Variants in LRRFIP2 observed in about 807,000 individuals in gnomAD.
LRRFIP2 encodes LRR binding FLII interacting protein 2, also known as leucine-rich repeat flightless-interacting protein 2.
LRRFIP2 carries 109 observed loss-of-function variants against 125.9 expected under a neutral mutation model. The observed-to-expected ratio is 0.87, with a 90% CI of 0.74 to 1.01. The LOEUF (loss-of-function observed/expected upper bound fraction) is 1.01, where lower values mean the gene tolerates loss of function less well. LRRFIP2 is among the 50% of genes least tolerant of loss of function. The pLI is 0.00. For missense variants in LRRFIP2, 850 were observed against 862.3 expected (o/e 0.99, Z 0.18); for synonymous variants, 291 against 293.1 (o/e 0.99, Z 0.07).
At chr3:37,081,215 C>G (rs2092612471) in intron 19 of LRRFIP2, among the ~76,000 whole-genome samples, 1 of 152,094 alleles carries the variant, frequency 6.6e-6, no homozygotes. Context: ...GCACTCCAGC[C>G]TGGGGAGCAG....
At chr3:37,063,903 T>C (rs1290781569) in intron 23 of LRRFIP2, 112 bp from the exon 24 acceptor site, 2 of 758,548 alleles carry the variant, frequency 2.6e-6, no homozygotes, top group East Asian at 5.0e-5. Flanking sequence ...ATTACATTAC[T>C]TACAGCTCTG....
intron 24 of LRRFIP2, among the ~76,000 whole-genome samples, chr3:37,059,506 GGGCTGGGCACGGT>G (rs1441146493): frequency 6.6e-6 from 1 of 151,896 alleles, no homozygotes; most frequent in Non-Finnish European, 1.5e-5. Flanking sequence ...AAAATAATTG[GGGCTGGGCACGGT>G]GGCTCACGCC....
chr3:37,140,839 T>C (rs1205995701), intron 2 of LRRFIP2, among the ~76,000 whole-genome samples: 1 of 152,186 alleles, frequency 6.6e-6, no homozygotes, highest in East Asian at 1.9e-4. Flanking sequence ...TCCCTCCATA[T>C]TCAGTTGCTA....
chr3:37,098,194 C>G (rs925752426), intron 15 of LRRFIP2, among the ~76,000 whole-genome samples: 1 of 151,796 alleles, frequency 6.6e-6, no homozygotes, highest in African/African-American at 2.4e-5. Flanking sequence ...TGTAAAAACT[C>G]TGAAAAAGAA....
intron 2 of LRRFIP2, chr3:37,134,834 C>A: frequency 1.0e-6 from 1 of 974,526 alleles, no homozygotes; most frequent in Non-Finnish European, 1.7e-6. Context: ...TTCCTACAGA[C>A]TGCTCCTTCA....
intron 4 of LRRFIP2, among the ~76,000 whole-genome samples, chr3:37,122,247 T>G (rs1037042383): frequency 6.6e-6 from 1 of 151,794 alleles, no homozygotes; most frequent in Non-Finnish European, 1.5e-5. Flanking sequence ...GGACATGAAC[T>G]CATCCTTTTT....
chr3:37,065,742 G>T, intron 23 of LRRFIP2, 68 bp downstream of exon 23: 1 of 1,602,282 alleles, frequency 6.2e-7, no homozygotes, highest in Non-Finnish European at 8.5e-7. Flanking sequence ...TCCAAGCTGG[G>T]ATATGAAAAA....
chr3:37,133,921 A>C (rs1383853730), intron 2 of LRRFIP2, among the ~76,000 whole-genome samples: 1 of 152,204 alleles, frequency 6.6e-6, no homozygotes, highest in Non-Finnish European at 1.5e-5. Flanking sequence ...ATATGACCCC[A>C]ACTGTTATAA....
intron 2 of LRRFIP2, among the ~76,000 whole-genome samples, chr3:37,130,309 T>C (rs2095395121): frequency 6.6e-6 from 1 of 152,224 alleles, no homozygotes; most frequent in South Asian, 2.1e-4. Context: ...TTCTACATGG[T>C]TATATGATGG....
chr3:37,088,582 C>A (rs992917550), intron 18 of LRRFIP2, among the ~76,000 whole-genome samples: 2 of 149,968 alleles, frequency 1.3e-5, no homozygotes, highest in African/African-American at 2.5e-5. Flanking sequence ...AGAGGCCAAG[C>A]GGGAGAACTG....
intron 16 of LRRFIP2, among the ~76,000 whole-genome samples, chr3:37,096,026 CCTG>C (rs1424661312): frequency 6.6e-6 from 1 of 152,038 alleles, no homozygotes; most frequent in Non-Finnish European, 1.5e-5. Context: ...ATTAATTTTA[CCTG>C]CTTTTTACTT....
chr3:37,061,245 G>A lies in LRRFIP2; in HGVS notation c.1750-2335C>T, dbSNP rs540327965. Among the ~76,000 whole-genome samples the A allele has an allele frequency of 7.9e-5, 12 of 152,230 alleles. No homozygotes were observed. In the South Asian group the frequency reaches 2.3e-3, roughly 29 times the overall value. ...TGTAATCCCAGCACTTTGGGAGGAC[G>A]AGGTGGGTGGATCACCTAAGGTCAG... On this transcript the variant is annotated intron_variant, in intron 24 of 27. Coordinates refer to ENST00000336686, the MANE Select transcript of LRRFIP2 (RefSeq NM_006309.4).
intron 15 of LRRFIP2, among the ~76,000 whole-genome samples, chr3:37,098,089 C>T (rs1007451207): frequency 1.3e-4 from 18 of 137,908 alleles, no homozygotes. Context: ...TTATTACCCA[C>T]ACTTATGTTT....
At chr3:37,117,222 G>C (rs2094832240) in intron 6 of LRRFIP2, among the ~76,000 whole-genome samples, 1 of 151,660 alleles carries the variant, frequency 6.6e-6, no homozygotes, top group Admixed American at 6.6e-5. Context: ...GTAAGTTCAT[G>C]GAAAAGAGTA....
intron 9 of LRRFIP2, 68 bp from the exon 10 acceptor site, chr3:37,109,771 A>G (rs1441907484): frequency 3.7e-6 from 5 of 1,360,514 alleles, no homozygotes; most frequent in Non-Finnish European, 5.2e-6. Flanking sequence ...ACCATCATGA[A>G]TGCAGAGGAC....
intron 6 of LRRFIP2, among the ~76,000 whole-genome samples, chr3:37,117,870 C>T (rs2094864876): frequency 6.6e-6 from 1 of 152,160 alleles, no homozygotes; most frequent in Non-Finnish European, 1.5e-5. Context: ...ACTGGCTCTA[C>T]TCCAAAGTGT....
chr3:37,095,243 T>A (rs999364568), intron 16 of LRRFIP2, among the ~76,000 whole-genome samples: 13 of 152,356 alleles, frequency 8.5e-5, no homozygotes, highest in African/African-American at 2.6e-4. Context: ...CAGATTAACT[T>A]AAAGCAGTTT....
chr3:37,106,947 C>A (rs1048773274), intron 13 of LRRFIP2, among the ~76,000 whole-genome samples: 4 of 151,238 alleles, frequency 2.6e-5, no homozygotes, highest in Non-Finnish European at 5.9e-5. Flanking sequence ...TCTTGTTGCC[C>A]AGGCTGGAGT....
At chr3:37,071,081 CAT>C (rs1335070613) in intron 21 of LRRFIP2, among the ~76,000 whole-genome samples, 5 of 152,178 alleles carry the variant, frequency 3.3e-5, no homozygotes. Context: ...ATTTTAAAAT[CAT>C]AGTTTCAAAA....
Sources: gnomAD v4.1 joint callset for allele counts (sites outside exome capture counted in the v4.1 genomes callset) on GRCh38, gnomAD v4.1.1 for gene constraint, MANE v1.5 for transcripts, NCBI Gene and HGNC (gene_info 2026-07-23, HGNC 2026-07-21) for gene names.